HTR7: variants seen among roughly 807,000 people sequenced by gnomAD.
The protein encoded by HTR7 is 5-hydroxytryptamine receptor 7.
HTR7 carries 16 observed loss-of-function variants against 34.0 expected under a neutral mutation model. The ratio of observed to expected loss-of-function variants is 0.47; its 90% CI spans 0.32 to 0.71. The LOEUF is 0.71. Among genes scored for constraint, HTR7 ranks in the 30% least tolerant of loss-of-function variants. The pLI is 0.04. For missense variants in HTR7, 504 were observed against 625.5 expected (o/e 0.81, Z 2.07); for synonymous variants, 265 against 260.2 (o/e 1.02, Z -0.18).
intron 1 of HTR7, among the ~76,000 whole-genome samples, chr10:90,793,424 G>A (rs940320476): frequency 6.8e-6 from 1 of 148,024 alleles, no homozygotes; most frequent in Admixed American, 6.8e-5. Flanking sequence ...TTAATATTGG[G>A]AAATTACTTA....
At chr10:90,780,783 G>A (rs2119844305) in intron 1 of HTR7, among the ~76,000 whole-genome samples, 1 of 152,232 alleles carries the variant, frequency 6.6e-6, no homozygotes, top group South Asian at 2.1e-4. Context: ...AATCTGCTAA[G>A]AAGTAAAATC....
At chr10:90,836,570 G>A (rs1846255973) in intron 1 of HTR7, among the ~76,000 whole-genome samples, 1 of 152,116 alleles carries the variant, frequency 6.6e-6, no homozygotes, top group Non-Finnish European at 1.5e-5. Context: ...GGAGTACAGT[G>A]GTATGACACA....
At chr10:90,747,784 A>C (rs533575272) in intron 2 of HTR7, among the ~76,000 whole-genome samples, 1 of 152,322 alleles carries the variant, frequency 6.6e-6, no homozygotes, top group South Asian at 2.1e-4. Context: ...CGACACCTCC[A>C]ACACTAATCT....
intron 1 of HTR7, among the ~76,000 whole-genome samples, chr10:90,787,457 A>G (rs1293409553): frequency 6.6e-6 from 1 of 152,054 alleles, no homozygotes; most frequent in Non-Finnish European, 1.5e-5. Context: ...ACGCCACTGC[A>G]CTCCAGCCTG....
At chr10:90,748,557 A>G (rs929611565) in intron 2 of HTR7, among the ~76,000 whole-genome samples, 2 of 152,216 alleles carry the variant, frequency 1.3e-5, no homozygotes, top group Non-Finnish European at 2.9e-5. Flanking sequence ...GATGTCATTT[A>G]TGGAGAAAGA....
chr10:90,819,340 A>T (rs1328728563), intron 1 of HTR7, among the ~76,000 whole-genome samples: 3 of 152,094 alleles, frequency 2.0e-5, no homozygotes, highest in Admixed American at 6.5e-5. Flanking sequence ...ACTTTTTAAA[A>T]ATATATATAA....
chr10:90,844,725 T>TAAAAAAAAAAAAA (rs1564701422), intron 1 of HTR7, among the ~76,000 whole-genome samples: 4 of 27,796 alleles, frequency 1.4e-4, no homozygotes, highest in Admixed American at 4.6e-4. Flanking sequence ...AGACTCCGTC[T>TAAAAAAAAAAAAA]CAAAAAAAAA....
intron 1 of HTR7, among the ~76,000 whole-genome samples, chr10:90,794,713 A>T (rs1845512698): frequency 6.6e-6 from 1 of 151,996 alleles, no homozygotes; most frequent in South Asian, 2.1e-4. Context: ...GTGTTGCCTA[A>T]GCTGATCTCA....
rs1290940433 is a variant in HTR7, at chr10:90,850,673, CA to C, written c.539+6459del. On this transcript the variant is annotated intron_variant, in intron 1 of 3. Transcript: ENST00000336152. ...TAGATGAAAAGGTAGAGAATTTCAC[CA>C]AAAAAATCAGAATCAGTTTAAAAAG... is the stretch of plus-strand genomic sequence containing the variant. Among the ~76,000 whole-genome samples the C allele has an allele frequency of 3.9e-5, 6 of 151,900 alleles. No individual in the cohort carries two copies. The East Asian group carries it at 1.2e-3, about 29-fold the overall frequency.
chr10:90,821,648 C>A (rs2047844389), intron 1 of HTR7, among the ~76,000 whole-genome samples: 1 of 152,192 alleles, frequency 6.6e-6, no homozygotes, highest in Non-Finnish European at 1.5e-5. Flanking sequence ...TAGTGAGACA[C>A]CAACCAGTAC....
chr10:90,745,387 C>T (rs1291441489), intron 2 of HTR7, among the ~76,000 whole-genome samples: 1 of 152,124 alleles, frequency 6.6e-6, no homozygotes, highest in Non-Finnish European at 1.5e-5. Context: ...TTCATGAGGG[C>T]CCTGCCCCCA....
At chr10:90,771,580 A>G (rs1215122935) in intron 1 of HTR7, among the ~76,000 whole-genome samples, 1 of 152,182 alleles carries the variant, frequency 6.6e-6, no homozygotes, top group East Asian at 1.9e-4. Flanking sequence ...AGCTGCTTGC[A>G]GTGTGCCTGG....
rs777654671 is a variant in HTR7 at position 90,742,269 on chromosome 10, C to T, written c.*213G>A. The T allele has an allele frequency of 7.6e-6, 3 of 394,236 alleles. No homozygotes were observed. The highest frequency in any genetic ancestry group is 9.1e-6 in the Non-Finnish European group (2 of 219,744). 24.4% of individuals were successfully genotyped at this position (394,236 alleles called of 1,614,324 possible). ...TGCTGAGATGATCTGCTATCTTAAACTGAGAACACACAATAGCACTGATCC... is the reference window on the plus strand; with the variant it reads ...TGCTGAGATGATCTGCTATCTTAAATTGAGAACACACAATAGCACTGATCC... On this transcript the variant is annotated 3_prime_UTR_variant, in exon 4 of 4. Transcript: ENST00000336152.
At chr10:90,824,123 C>T (rs140504789) in intron 1 of HTR7, among the ~76,000 whole-genome samples, 1,677 of 152,330 alleles carry the variant, frequency 0.011, 15 homozygotes, top group Non-Finnish European at 0.017. Context: ...TTCCTTCCTT[C>T]CACTTAAGGA....
intron 1 of HTR7, among the ~76,000 whole-genome samples, chr10:90,843,736 G>A (rs1045629066): frequency 6.9e-6 from 1 of 144,978 alleles, no homozygotes; most frequent in African/African-American, 2.6e-5. Flanking sequence ...GGGAAAGAAG[G>A]AAAGGAGGGA....
At chr10:90,762,927 A>G (rs1045940035) in intron 1 of HTR7, among the ~76,000 whole-genome samples, 3 of 152,210 alleles carry the variant, frequency 2.0e-5, no homozygotes, top group African/African-American at 4.8e-5. Flanking sequence ...ATCCTTGTCC[A>G]TTATAAGTTG....
At chr10:90,807,532 T>C (rs1278472115) in intron 1 of HTR7, among the ~76,000 whole-genome samples, 1 of 152,182 alleles carries the variant, frequency 6.6e-6, no homozygotes, top group East Asian at 1.9e-4. Context: ...ACTGAGCACC[T>C]TGCAACCCCT....
At chr10:90,771,985 T>C (rs555405160) in intron 1 of HTR7, among the ~76,000 whole-genome samples, 1 of 151,148 alleles carries the variant, frequency 6.6e-6, no homozygotes, top group South Asian at 2.1e-4. Flanking sequence ...TTAAAATAAC[T>C]TTTTTTTTAG....
intron 1 of HTR7, among the ~76,000 whole-genome samples, chr10:90,831,591 C>G (rs972892743): frequency 1.3e-5 from 2 of 152,186 alleles, no homozygotes; most frequent in South Asian, 2.1e-4. Context: ...ACTGCTGGCT[C>G]GCGCAGCCTG....
Sources: allele counts gnomAD v4.1 joint callset (sites outside exome capture counted in the v4.1 genomes callset), GRCh38; gene constraint gnomAD v4.1.1; transcripts MANE v1.5; gene names NCBI Gene and HGNC (gene_info 2026-07-23, HGNC 2026-07-21).